Variants in PLAGL1 observed in about 807,000 individuals in gnomAD.
The protein encoded by PLAGL1 is zinc finger protein PLAGL1.
Under a neutral mutation model 4.6 loss-of-function variants are expected in PLAGL1, and 1 was observed. The observed-to-expected ratio is 0.22, with a 90% CI of 0.08 to 1.03. The LOEUF (loss-of-function observed/expected upper bound fraction) is 1.03. Among genes scored for constraint, PLAGL1 ranks in the 50% least tolerant of loss-of-function variants. The probability of loss-of-function intolerance (pLI) is 0.58; values close to 1 mark genes in which losing one functional copy is unlikely to be tolerated. For synonymous variants in PLAGL1, 240 were observed against 237.8 expected (o/e 1.01, Z -0.08); for missense variants, 464 against 570.4 (o/e 0.81, Z 1.90).
intron 1 of PLAGL1, among the ~76,000 whole-genome samples, chr6:144,001,763 T>C (rs1352309409): frequency 6.6e-6 from 1 of 152,142 alleles, no homozygotes; most frequent in Non-Finnish European, 1.5e-5. Context: ...TGTGATACAA[T>C]GAGAAGGGCA....
chr6:143,998,288 G>C (rs1046110659), intron 1 of PLAGL1, among the ~76,000 whole-genome samples: 1 of 152,158 alleles, frequency 6.6e-6, no homozygotes, highest in Non-Finnish European at 1.5e-5. Context: ...GTCATTTTCA[G>C]TGTGTGTTTT....
At chr6:143,988,962 C>G (rs559419051) in intron 1 of PLAGL1, among the ~76,000 whole-genome samples, 6 of 152,306 alleles carry the variant, frequency 3.9e-5, no homozygotes, top group African/African-American at 1.4e-4. Context: ...TTGCAATGCC[C>G]TTACATAGAC....
chr6:144,026,819 T>C (rs886280715), intron 1 of PLAGL1, among the ~76,000 whole-genome samples: 4 of 152,198 alleles, frequency 2.6e-5, no homozygotes, highest in African/African-American at 4.8e-5. Flanking sequence ...TAGGAACATT[T>C]CTTTCTAAAG....
At chr6:143,986,920 A>G (rs571602054) in intron 1 of PLAGL1, among the ~76,000 whole-genome samples, 9 of 152,290 alleles carry the variant, frequency 5.9e-5, no homozygotes, top group Non-Finnish European at 1.2e-4. Context: ...ATGCATTATT[A>G]GCATGGTTTG....
chr6:144,002,735 G>C (rs1483556355), intron 1 of PLAGL1, among the ~76,000 whole-genome samples: 1 of 152,006 alleles, frequency 6.6e-6, no homozygotes. Flanking sequence ...CAATGTGTAA[G>C]TCCTCTATAC....
intron 6 of PLAGL1, among the ~76,000 whole-genome samples, chr6:143,951,639 C>G (rs1398348367): frequency 6.6e-6 from 1 of 152,256 alleles, no homozygotes; most frequent in Non-Finnish European, 1.5e-5. Flanking sequence ...TGGACATCAC[C>G]CATGCCTACA....
At chr6:144,009,613 T>A (rs1297849388), upstream of PLAGL1, among the ~76,000 whole-genome samples, 1 of 152,160 alleles carries the variant, frequency 6.6e-6, no homozygotes, top group Admixed American at 6.5e-5. Flanking sequence ...TTTGCTGCAC[T>A]CATCAACCCG....
At position 144,027,292 on chromosome 6, in the gene PLAGL1, A is replaced by AAAGAAAGAAAGAAAAAGAAAAAGT. The variant is rs752733300; in HGVS notation, c.-151+37175_-151+37176insACTTTTTCTTTTTCTTTCTTTCTT. ...GAAAGAAAGAAAGAAAGAAAGAAAGAAAGTTATTTGATCTGAAGTACAATG... is the reference window on the plus strand; with the variant it reads ...GAAAGAAAGAAAGAAAGAAAGAAAGAAAGAAAGAAAGAAAAAGAAAAAGTAAGTTATTTGATCTGAAGTACAATG... On this transcript the variant is annotated intron_variant, in intron 1 of 3. Transcript: ENST00000437412. This position sits in a 1 kb window ranked among gnomAD's most constrained non-coding sequence, Gnocchi z 5.8. Among the ~76,000 whole-genome samples, 1 of 142,492 alleles carries AAAGAAAGAAAGAAAAAGAAAAAGT rather than the reference A, an allele frequency of 7.0e-6. No individual in the cohort carries two copies. The highest frequency in any genetic ancestry group is 1.5e-5 in the Non-Finnish European group (1 of 65,024). The allele number at this position is 142,492 out of a possible 152,430, so 93.5% of individuals were successfully genotyped here.
At position 144,034,473 on chromosome 6, in the gene PLAGL1, C is replaced by G. The variant is rs1797067980; in HGVS notation, c.-151+29995G>C. 6.6e-6 allele frequency among the ~76,000 whole-genome samples: 1 copy of G among 152,202 alleles called. No homozygotes were observed. Among genetic ancestry groups the G allele is most frequent in the South Asian group, 2.1e-4 (1 of 4,824 alleles). ...AGTCCTTTTAGTGTTTGTTTCTCTT[C>G]AAGAAAATAAAACACTTATTTGTTT... is the stretch of plus-strand genomic sequence containing the variant. On this transcript the variant is annotated intron_variant, in intron 1 of 3. Coordinates refer to the PLAGL1 transcript ENST00000437412. This position sits in a 1 kb window ranked among gnomAD's most constrained non-coding sequence, Gnocchi z 4.7.
At position 144,036,746 on chromosome 6, in the gene PLAGL1, AC is replaced by A; in HGVS notation, c.-151+27721del. 3.0e-6 allele frequency: 1 copy of A among 329,422 alleles called. No individual in the cohort carries two copies. The highest frequency in any genetic ancestry group is 5.8e-6 in the Non-Finnish European group (1 of 172,140). 20.4% of individuals were successfully genotyped at this position (329,422 alleles called of 1,614,324 possible). ...GAAACTACAGAACAGAAATTGTGCA[AC>A]TTCCAGAAAACTGCTCTAAGACAAG... is the stretch of plus-strand genomic sequence containing the variant. On this transcript the variant is annotated intron_variant, in intron 1 of 3. Transcript: ENST00000437412. This position sits in a 1 kb window ranked among gnomAD's most constrained non-coding sequence, Gnocchi z 5.1.
At chr6:143,976,395 T>TA (rs1443274647) in intron 2 of PLAGL1, among the ~76,000 whole-genome samples, 1 of 151,374 alleles carries the variant, frequency 6.6e-6, no homozygotes, top group East Asian at 1.9e-4. Context: ...CACCTCCTTT[T>TA]AAAAATTTCA....
intron 1 of PLAGL1, among the ~76,000 whole-genome samples, chr6:144,028,738 G>A (rs1438488325): frequency 6.6e-6 from 1 of 152,166 alleles, no homozygotes; most frequent in Non-Finnish European, 1.5e-5. Flanking sequence ...TGTAGAGAAT[G>A]TCAAATACTC....
At chr6:144,057,416 G>A (rs555928844) in intron 1 of PLAGL1, among the ~76,000 whole-genome samples, 54 of 152,202 alleles carry the variant, frequency 3.5e-4, no homozygotes, top group Admixed American at 1.0e-3. Context: ...CTCACCAGAG[G>A]CACCCTACAT....
At chr6:143,977,785 C>A (rs1410913494) in intron 2 of PLAGL1, among the ~76,000 whole-genome samples, 3 of 152,092 alleles carry the variant, frequency 2.0e-5, no homozygotes, top group Admixed American at 2.0e-4. Flanking sequence ...TAGGTGTGAG[C>A]CACTGCACCC....
intron 1 of PLAGL1, chr6:144,037,441 A>T (rs531309146): frequency 1.1e-3 from 143 of 132,114 alleles, no homozygotes; most frequent in African/African-American, 3.5e-3. Flanking sequence ...AAAAAAAAAT[A>T]GCTGGGTGTG....
At chr6:143,981,764 AT>A (rs1788007657) in intron 2 of PLAGL1, among the ~76,000 whole-genome samples, 1 of 152,052 alleles carries the variant, frequency 6.6e-6, no homozygotes, top group African/African-American at 2.4e-5. Context: ...AATCCTTTAT[AT>A]TTGCCTTAGT....
rs1379706547 is a variant in PLAGL1, at chr6:143,952,350, GA to G, written c.-324-3891del. Among the ~76,000 whole-genome samples the G allele has an allele frequency of 6.6e-6, 1 of 152,194 alleles. No homozygotes were observed. The highest frequency in any genetic ancestry group is 1.5e-5 in the Non-Finnish European group (1 of 68,030). ...TCATTCTGTTCTGTGACTTGACATA[GA>G]AATTGCATTTGAGTCTTAAATACGG... On this transcript the variant is annotated intron_variant, in intron 6 of 7. Transcript: ENST00000674357. This position sits in a 1 kb window ranked among gnomAD's most constrained non-coding sequence, Gnocchi z 6.1.
chr6:143,943,432 T>TA (rs1341862378), intron 7 of PLAGL1, among the ~76,000 whole-genome samples: 4 of 152,080 alleles, frequency 2.6e-5, no homozygotes, highest in Non-Finnish European at 5.9e-5. Flanking sequence ...AGGAGCCTCT[T>TA]AAAAAGTCCA....
In PLAGL1 at chr6:143,941,817, G is replaced by C. The variant is rs1778654616; in HGVS notation, c.999C>G (p.Asp333Glu). 1.9e-6 allele frequency: 3 copies of C among 1,614,120 alleles called. No homozygotes were observed. In the African/African-American group the frequency reaches 4.0e-5, roughly 22 times the overall value. The change falls in exon 8 of 8, where the codon GAC becomes GAG. Residue 333 changes from aspartate to glutamate, a missense_variant. Coordinates refer to ENST00000674357, the MANE Select transcript of PLAGL1 (RefSeq NM_001317162.2). This position sits in a 1 kb window ranked among gnomAD's most constrained non-coding sequence, Gnocchi z 6.0. ...GTGACTGAGGCTCTTGCAGAGGCAA[G>C]TCCTCAAACAAACTGATATTGCAAA... ...KGFCNISLFE[D>E]LPLQEPQSPQ...
Sources: gnomAD v4.1 joint callset for allele counts (sites outside exome capture counted in the v4.1 genomes callset) on GRCh38, gnomAD v4.1.1 for gene constraint, Gnocchi (gnomAD v3.1) non-coding constraint, MANE v1.5 for transcripts, NCBI Gene and HGNC (gene_info 2026-07-23, HGNC 2026-07-21) for gene names.